DBP: variants seen among roughly 807,000 people sequenced by gnomAD.
DBP encodes the protein D site-binding protein.
A neutral mutation model predicts 21.4 loss-of-function variants in DBP; 12 were observed. The ratio of observed to expected loss-of-function variants is 0.56; its 90% confidence interval spans 0.36 to 0.91. The LOEUF is 0.91. Ranked by LOEUF, DBP falls within the 40% of genes least tolerant of loss-of-function variation. DBP has a pLI of 0.01. For missense variants in DBP, 423 were observed against 473.4 expected (o/e 0.89, Z 0.99); for synonymous variants, 213 against 224.9 (o/e 0.95, Z 0.47).
At position 48,637,337 on chromosome 19, in the gene DBP, C is replaced by G; in HGVS notation, c.-343G>C. 3.5e-6 allele frequency: 1 copy of G among 288,980 alleles called. No homozygotes were observed. 17.9% of individuals were successfully genotyped at this position (288,980 alleles called of 1,614,324 possible). On this transcript the variant is annotated 5_prime_UTR_variant, in exon 1 of 4. Transcript: ENST00000222122. ...CCTGGCTCTTGCAAAATCTGCAGCT[C>G]TCGCAACGGAAGGCGCTTTGCAATC...
At chr19:48,635,164 G>T in intron 2 of DBP, 1 of 1,021,862 alleles carries the variant, frequency 9.8e-7, no homozygotes, top group Non-Finnish European at 1.2e-6. Context: ...CTTTGCCTTT[G>T]CCCCTGTAAA....
At chr19:48,632,285 T>C (rs4801771) in intron 3 of DBP, 39,261 of 151,948 alleles carry the variant, frequency 0.26, 7,345 homozygotes, top group African/African-American at 0.5. Flanking sequence ...TACAGATGAG[T>C]GCCACCATGC....
At chr19:48,635,229 G>A in intron 2 of DBP, 1 of 1,127,994 alleles carries the variant, frequency 8.9e-7, no homozygotes, top group Middle Eastern at 4.0e-4. Context: ...CCCAGATTCG[G>A]GGGTCAGTCC....
Position 48,637,046 on chromosome 19 carries a change from G to T in DBP, c.-52C>A, listed in dbSNP as rs1386773978. 1 of 1,431,924 alleles carries T rather than the reference G, an allele frequency of 7.0e-7. No homozygotes were observed. Among genetic ancestry groups the T allele is most frequent in the Admixed American group, 2.8e-5 (1 of 35,882 alleles). The allele number at this position is 1,431,924 out of a possible 1,614,324, so 88.7% of individuals were successfully genotyped here. A position where few individuals can be genotyped will look rare whatever the true frequency, so the allele number is the denominator to read the frequency against. ...GGGTTCATGGAGAGGCGAAGGGCTG[G>T]CCTGCCAGTCACCAGCACACTCCAG... On this transcript the variant is annotated 5_prime_UTR_variant, in exon 1 of 4. Coordinates refer to ENST00000222122, the MANE Select transcript of DBP (RefSeq NM_001352.5).
Position 48,630,039 on chromosome 19 carries a change from A to T in DBP, c.*798T>A, listed in dbSNP as rs2030466093. On this transcript the variant is annotated 3_prime_UTR_variant, in exon 4 of 4. Coordinates refer to ENST00000222122, the MANE Select transcript of DBP (RefSeq NM_001352.5). The surrounding 1 kb of genome is among the most constrained non-coding windows in gnomAD (Gnocchi z 4.9). ...TGATCTGGGGCCGCCCTTACGGGGC[A>T]GGGCTCAGTCCTGACGCTTGCCACC... 7.5e-7 allele frequency: 1 copy of T among 1,337,292 alleles called. No individual in the cohort carries two copies. Among genetic ancestry groups the T allele is most frequent in the Admixed American group, 3.4e-5 (1 of 29,230 alleles). The allele number at this position is 1,337,292 out of a possible 1,614,324, so 82.8% of individuals were successfully genotyped here. A position where few individuals can be genotyped will look rare whatever the true frequency, so the allele number is the denominator to read the frequency against.
In DBP at chr19:48,633,666, C is replaced by G; in HGVS notation, c.551-11G>C. Reference sequence around the variant, plus strand: ...CCCGAGAGGTCAGGCCTTGGGGAAACAGCACGTGTCAGCTGAGTGTGTATT... The same window carrying G: ...CCCGAGAGGTCAGGCCTTGGGGAAAGAGCACGTGTCAGCTGAGTGTGTATT... On this transcript the variant is annotated splice_polypyrimidine_tract_variant and intron_variant, in intron 2 of 3. Transcript: ENST00000222122. 1 of 1,610,646 alleles carries G rather than the reference C, an allele frequency of 6.2e-7. No individual in the cohort carries two copies. The highest frequency in any genetic ancestry group is 2.2e-5 in the East Asian group (1 of 44,868).
Position 48,630,291 on chromosome 19 carries a change from G to T in DBP, c.*546C>A. ...TTTGCACTAATGTTCCTCTCCCCGC[G>T]GGTGGGGGCGGGGAAATTCATATCC... is the stretch of plus-strand genomic sequence containing the variant. On this transcript the variant is annotated 3_prime_UTR_variant, in exon 4 of 4. Transcript: ENST00000222122. This position sits in a 1 kb window ranked among gnomAD's most constrained non-coding sequence, Gnocchi z 4.9. 7.8e-7 allele frequency: 1 copy of T among 1,286,468 alleles called. No individual in the cohort carries two copies. The highest frequency in any genetic ancestry group is 9.8e-7 in the Non-Finnish European group (1 of 1,017,512). 79.7% of individuals were successfully genotyped at this position (1,286,468 alleles called of 1,614,324 possible).
intron 2 of DBP, chr19:48,634,632 C>T: frequency 3.2e-6 from 3 of 923,650 alleles, no homozygotes; most frequent in Non-Finnish European, 2.5e-6. Context: ...TCACGTTCCC[C>T]CGGCCCCGCC....
In DBP at chr19:48,630,603, G is replaced by A; in HGVS notation, c.*234C>T. 1 of 1,528,438 alleles carries A rather than the reference G, an allele frequency of 6.5e-7. No homozygotes were observed. Among genetic ancestry groups the A allele is most frequent in the South Asian group, 1.2e-5 (1 of 82,906 alleles). 94.7% of individuals were successfully genotyped at this position (1,528,438 alleles called of 1,614,324 possible). A position where few individuals can be genotyped will look rare whatever the true frequency, so the allele number is the denominator to read the frequency against. On this transcript the variant is annotated 3_prime_UTR_variant, in exon 4 of 4. Transcript: ENST00000222122. This position sits in a 1 kb window ranked among gnomAD's most constrained non-coding sequence, Gnocchi z 4.9. ...TATTCAGGATCGTGTTAACGGAGGC[G>A]GTGGGAGGATAGGGTCCCTGACGTG...
intron 1 of DBP, 33 bp from the exon 2 acceptor site, chr19:48,636,023 G>A (rs763442626): frequency 1.8e-5 from 26 of 1,481,468 alleles, no homozygotes; most frequent in Non-Finnish European, 1.9e-5. Context: ...TGGGATGAGG[G>A]TGAGGTGGGG....
intron 2 of DBP, 166 bp from the exon 3 acceptor site, chr19:48,633,821 C>T (rs758002830): frequency 3.3e-5 from 21 of 644,294 alleles, no homozygotes; most frequent in Non-Finnish European, 4.5e-5. Flanking sequence ...GTTCCCTTGG[C>T]CAGGCGCAGT....
chr19:48,630,628 G>A lies in DBP; in HGVS notation c.*209C>T, dbSNP rs774748906. The A allele has an allele frequency of 1.0e-5, 15 of 1,506,156 alleles. No homozygotes were observed. The highest frequency in any genetic ancestry group is 7.4e-5 in the East Asian group (3 of 40,682). The allele number at this position is 1,506,156 out of a possible 1,614,324, so 93.3% of individuals were successfully genotyped here. On this transcript the variant is annotated 3_prime_UTR_variant, in exon 4 of 4. Coordinates refer to ENST00000222122, the MANE Select transcript of DBP (RefSeq NM_001352.5). The surrounding 1 kb of genome is among the most constrained non-coding windows in gnomAD (Gnocchi z 4.9). ...GGTGGGAGGATAGGGTCCCTGACGT[G>A]CCGGGGACACACACAGAGAACCCTC...
At chr19:48,635,253 T>C (rs1004189103) in intron 2 of DBP, 1 of 1,180,232 alleles carries the variant, frequency 8.5e-7, no homozygotes, top group African/African-American at 1.7e-5. Context: ...CCCCAGTAAA[T>C]AACTCTGGTG....
intron 1 of DBP, 73 bp from the exon 2 acceptor site, chr19:48,636,063 C>G: frequency 7.2e-7 from 1 of 1,383,498 alleles, no homozygotes; most frequent in Non-Finnish European, 9.5e-7. Context: ...GACCCCGAGT[C>G]CGAGAGGCAC....
Position 48,635,668 on chromosome 19 carries a change from C to T in DBP, c.462G>A (p.Pro154=). 3.8e-6 allele frequency: 5 copies of T among 1,315,780 alleles called. No individual in the cohort carries two copies. The African/African-American group carries it at 6.2e-5, about 16-fold the overall frequency. The allele number at this position is 1,315,780 out of a possible 1,614,324, so 81.5% of individuals were successfully genotyped here. The part of the protein sequence containing the change: ...PARTPAPSPG[P]GSCGSASPRS... ...GGGGGGAAGCCGAGCCGCACGAACC[C>T]GGCCCTGGGGAGGGTGCGGGCGTCC... is the stretch of plus-strand genomic sequence containing the variant. The change falls in exon 2 of 4, where the codon CCG becomes CCA. Residue 154 remains proline, a synonymous_variant. Transcript: ENST00000222122.
rs369125749 is a variant in DBP at position 48,631,016 on chromosome 19, C to A, written c.799G>T (p.Glu267Ter). 1 of 1,613,760 alleles carries A rather than the reference C, an allele frequency of 6.2e-7. No homozygotes were observed. Among genetic ancestry groups the A allele is most frequent in the Admixed American group, 1.7e-5 (1 of 60,004 alleles). The change falls in exon 4 of 4, where the codon GAG becomes TAG. Residue 267 changes from glutamate to a stop codon, truncating the protein, a stop_gained. Transcript: ENST00000222122. LOFTEE classifies it high-confidence loss of function. ...GCGTCACGGGACCGCTTGGCTGCCT[C>A]GTTGTTCTTGTACCGCCGGCTCCAG... The part of the protein sequence containing the change: ...KYWSRRYKNN[E>*]AAKRSRDARR...
rs773736859 is a variant in DBP, at chr19:48,633,457, G to C, written c.749C>G (p.Pro250Arg). The C allele has an allele frequency of 6.2e-7, 1 of 1,614,094 alleles. No individual in the cohort carries two copies. Among genetic ancestry groups the C allele is most frequent in the Non-Finnish European group, 8.5e-7 (1 of 1,180,030 alleles). Reference sequence around the variant, plus strand: ...AGCTCTGCTCACCTTCTGCTCCTCCGGCACCTGGATTTTTCTTGCCTTCTT... The same window carrying C: ...AGCTCTGCTCACCTTCTGCTCCTCCCGCACCTGGATTTTTCTTGCCTTCTT... ...IMKKARKIQV[P>R]EEQKDEKYWS... Residue 250 changes from proline to arginine, a missense_variant, in exon 3 of 4, where the codon CCG (proline) becomes CGG (arginine). Around this residue, in one of 4 missense-constraint regions of DBP, gnomAD observed 77 missense variants for 97.1 expected, o/e 0.79. Coordinates refer to ENST00000222122, the MANE Select transcript of DBP (RefSeq NM_001352.5).
rs928319360 is a variant in DBP, at chr19:48,630,277, G to A, written c.*560C>T. The A allele has an allele frequency of 4.6e-5, 59 of 1,294,180 alleles. No homozygotes were observed. Among genetic ancestry groups the A allele is most frequent in the Non-Finnish European group, 5.7e-5 (58 of 1,021,998 alleles). The allele number at this position is 1,294,180 out of a possible 1,614,324, so 80.2% of individuals were successfully genotyped here. A position where few individuals can be genotyped will look rare whatever the true frequency, so the allele number is the denominator to read the frequency against. On this transcript the variant is annotated 3_prime_UTR_variant, in exon 4 of 4. Transcript: ENST00000222122. The surrounding 1 kb of genome is among the most constrained non-coding windows in gnomAD (Gnocchi z 4.9). Reference sequence around the variant, plus strand: ...GGCCGGCGCTAGGATTTGCACTAATGTTCCTCTCCCCGCGGGTGGGGGCGG... The same window carrying A: ...GGCCGGCGCTAGGATTTGCACTAATATTCCTCTCCCCGCGGGTGGGGGCGG...
Position 48,637,213 on chromosome 19 carries a change from C to T in DBP, c.-219G>A, listed in dbSNP as rs2030844440. ...GCAACTCAAGAGGGTCCCGGGAGAT[C>T]ATGCAATCTGGGCGAGGGGGTGTCC... On this transcript the variant is annotated 5_prime_UTR_variant, in exon 1 of 4. The change abolishes an upstream ATG in the 5' untranslated region. Coordinates refer to ENST00000222122, the MANE Select transcript of DBP (RefSeq NM_001352.5). The T allele has an allele frequency of 1.4e-5, 6 of 427,500 alleles. No homozygotes were observed. The highest frequency in any genetic ancestry group is 2.1e-5 in the Non-Finnish European group (5 of 241,986). The allele number at this position is 427,500 out of a possible 1,614,324, so 26.5% of individuals were successfully genotyped here.
Sources: allele counts gnomAD v4.1 joint callset, GRCh38; gene constraint gnomAD v4.1.1; regional missense constraint gnomAD v4.1.1; non-coding constraint Gnocchi (gnomAD v3.1); transcripts MANE v1.5; gene names NCBI Gene and HGNC (gene_info 2026-07-23, HGNC 2026-07-21).